The following INPP4B variants were observed in gnomAD, a reference collection of about 807,000 sequenced individuals.
The protein encoded by INPP4B is inositol polyphosphate-4-phosphatase type II B.
Under a neutral mutation model 122.5 loss-of-function variants are expected in INPP4B, and 55 were observed. The observed-to-expected ratio is 0.45, with a 90% confidence interval of 0.36 to 0.56. The LOEUF (loss-of-function observed/expected upper bound fraction) is 0.56. INPP4B is among the 20% of genes least tolerant of loss of function. The probability of loss-of-function intolerance (pLI) is 0.00; values close to 1 mark genes in which losing one functional copy is unlikely to be tolerated. For synonymous variants in INPP4B, 403 were observed against 388.7 expected (o/e 1.04, Z -0.43); for missense variants, 1,000 against 1,097.7 (o/e 0.91, Z 1.26).
chr4:142,682,626 A>G (rs988504495), intron 2 of INPP4B, among the ~76,000 whole-genome samples: 31 of 151,950 alleles, frequency 2.0e-4, no homozygotes, highest in Admixed American at 2.0e-4. Flanking sequence ...GTATCTTTGC[A>G]TGAAAGGTTT....
chr4:142,180,887 A>G (rs1830484211), intron 15 of INPP4B, among the ~76,000 whole-genome samples: 1 of 152,180 alleles, frequency 6.6e-6, no homozygotes, highest in African/African-American at 2.4e-5. Flanking sequence ...GTATGATTCT[A>G]TTTTGTAACA....
At chr4:142,356,590 C>A (rs1185397638) in intron 7 of INPP4B, among the ~76,000 whole-genome samples, 1 of 151,852 alleles carries the variant, frequency 6.6e-6, no homozygotes, top group Non-Finnish European at 1.5e-5. Flanking sequence ...GTACAAATAA[C>A]ATATTTGGTT....
intron 10 of INPP4B, among the ~76,000 whole-genome samples, chr4:142,264,267 A>G (rs990199353): frequency 3.9e-5 from 6 of 152,190 alleles, no homozygotes; most frequent in Non-Finnish European, 8.8e-5. Context: ...CATTGGTAGC[A>G]GTGAAAGGGC....
At chr4:142,802,865 A>G (rs1778184528) in intron 1 of INPP4B, among the ~76,000 whole-genome samples, 2 of 151,786 alleles carry the variant, frequency 1.3e-5, no homozygotes, top group African/African-American at 4.8e-5. Flanking sequence ...GGTATCTGGT[A>G]GGATGTAAGA....
At chr4:142,626,454 C>T (rs1320813047) in intron 2 of INPP4B, among the ~76,000 whole-genome samples, 1 of 151,950 alleles carries the variant, frequency 6.6e-6, no homozygotes, top group African/African-American at 2.4e-5. Flanking sequence ...CCACAGGAGG[C>T]TGAGATCAAC....
intron 2 of INPP4B, among the ~76,000 whole-genome samples, chr4:142,714,798 G>A (rs908553804): frequency 2.0e-5 from 3 of 152,108 alleles, no homozygotes; most frequent in Admixed American, 6.6e-5. Context: ...ATGTGCTCAC[G>A]AGGACTCTCT....
intron 1 of INPP4B, among the ~76,000 whole-genome samples, chr4:142,842,334 G>A (rs1274113725): frequency 1.3e-5 from 2 of 150,930 alleles, no homozygotes; most frequent in East Asian, 3.9e-4. Context: ...TTCACATCAT[G>A]CTGGAATGAC....
intron 7 of INPP4B, among the ~76,000 whole-genome samples, chr4:142,341,242 C>T (rs1435294946): frequency 6.6e-6 from 1 of 151,894 alleles, no homozygotes; most frequent in Non-Finnish European, 1.5e-5. Flanking sequence ...TATTATGTTT[C>T]TAAACAGACA....
chr4:142,424,791 G>A (rs760533314), intron 5 of INPP4B, among the ~76,000 whole-genome samples: 13 of 151,982 alleles, frequency 8.6e-5, no homozygotes, highest in Non-Finnish European at 1.9e-4. Flanking sequence ...GCCAGGAAAT[G>A]AGATGGTGAA....
In INPP4B at chr4:142,483,182, C is replaced by CTTTTTTTTTTTTTTTTTTTTTT. The variant is rs5862604; in HGVS notation, c.-190-20478_-190-20457dup. Among the ~76,000 whole-genome samples, 11 of 48,334 alleles carry CTTTTTTTTTTTTTTTTTTTTTT rather than the reference C, an allele frequency of 2.3e-4. 2 individuals are homozygous for CTTTTTTTTTTTTTTTTTTTTTT. The highest frequency in any genetic ancestry group is 7.9e-4 in the African/African-American group (8 of 10,092). 31.7% of individuals were successfully genotyped at this position (48,334 alleles called of 152,430 possible). On this transcript the variant is annotated intron_variant, in intron 2 of 25. Transcript: ENST00000262992. ...TAATAATGACTGGAGTCAGGCTATG[C>CTTTTTTTTTTTTTTTTTTTTTT]TTTTTTTTTTTTTTTTTTTTTTTTT...
At chr4:142,388,319 A>G (rs1228607182) in intron 7 of INPP4B, among the ~76,000 whole-genome samples, 1 of 152,152 alleles carries the variant, frequency 6.6e-6, no homozygotes, top group Non-Finnish European at 1.5e-5. Flanking sequence ...TGGCTATCCA[A>G]GTGATAGGTA....
intron 14 of INPP4B, 56 bp downstream of exon 14, chr4:142,208,369 A>C (rs1185256909): frequency 3.6e-6 from 3 of 840,032 alleles, no homozygotes; most frequent in African/African-American, 3.5e-5. Flanking sequence ...CAAGCTGTTT[A>C]CAGAAGTACA....
intron 1 of INPP4B, among the ~76,000 whole-genome samples, chr4:142,806,849 A>AAGAAAGAAAGAG (rs1561091771): frequency 1.3e-5 from 2 of 149,920 alleles, no homozygotes; most frequent in Non-Finnish European, 1.5e-5. Context: ...GAAAGAAAGA[A>AAGAAAGAAAGAG]AGGAGAAGAA....
chr4:142,775,664 G>A lies in INPP4B; in HGVS notation c.-253-49763C>T, dbSNP rs552347762. Among the ~76,000 whole-genome samples the A allele has an allele frequency of 1.1e-4, 17 of 151,908 alleles. No homozygotes were observed. The East Asian group carries it at 3.1e-3, about 28-fold the overall frequency. ...TGCTGGGATTACAGGCATGAGCCAC[G>A]ATGCTGTATATTTTCTTTAGTGAGT... On this transcript the variant is annotated intron_variant, in intron 1 of 25. Transcript: ENST00000262992.
chr4:142,741,126 G>A (rs531725862), intron 1 of INPP4B, among the ~76,000 whole-genome samples: 1 of 152,044 alleles, frequency 6.6e-6, no homozygotes, highest in Non-Finnish European at 1.5e-5. Flanking sequence ...GTATAAAAAA[G>A]GAAATGTATT....
intron 3 of INPP4B, among the ~76,000 whole-genome samples, chr4:142,462,215 A>G (rs1407681830): frequency 6.6e-6 from 1 of 152,078 alleles, no homozygotes; most frequent in African/African-American, 2.4e-5. Flanking sequence ...TTGTCTCCCA[A>G]TATTTTATCC....
intron 1 of INPP4B, among the ~76,000 whole-genome samples, chr4:142,804,405 C>T (rs930371717): frequency 6.6e-5 from 10 of 152,126 alleles, no homozygotes; most frequent in African/African-American, 2.4e-4. Context: ...ATATGCCTGG[C>T]TTATTTATTT....
intron 2 of INPP4B, among the ~76,000 whole-genome samples, chr4:142,640,360 T>A (rs556963678): frequency 6.6e-6 from 1 of 151,994 alleles, no homozygotes. Flanking sequence ...AATGAATAGG[T>A]AAGTGGAATA....
Position 142,333,476 on chromosome 4 carries a change from A to T in INPP4B, c.373-18714T>A, listed in dbSNP as rs186755011. On this transcript the variant is annotated intron_variant, in intron 7 of 25. Transcript: ENST00000262992. ...ATCTCTCATATTCTGTTTTGCAGAA[A>T]TTAAAAAGGAAAAATAATAGTATAT... is the stretch of plus-strand genomic sequence containing the variant. 6.1e-3 allele frequency among the ~76,000 whole-genome samples: 923 copies of T among 152,346 alleles called. 14 individuals are homozygous for T. Among genetic ancestry groups the T allele is most frequent in the African/African-American group, 0.02 (835 of 41,582 alleles).
Sources: gnomAD v4.1 joint callset for allele counts (sites outside exome capture counted in the v4.1 genomes callset) on GRCh38, gnomAD v4.1.1 for gene constraint, MANE v1.5 for transcripts, NCBI Gene and HGNC (gene_info 2026-07-23, HGNC 2026-07-21) for gene names.